The following AFAP1L2 variants were observed in gnomAD, a reference collection of about 807,000 sequenced individuals.
The protein encoded by AFAP1L2 is actin filament associated protein 1 like 2.
Under a neutral mutation model 99.3 loss-of-function variants are expected in AFAP1L2, and 46 were observed. That is an observed-to-expected ratio of 0.46 (90% CI 0.37 to 0.59). AFAP1L2 has a LOEUF of 0.59. AFAP1L2 is among the 20% of genes least tolerant of loss of function. AFAP1L2 has a pLI of 0.00. For missense variants in AFAP1L2, 959 were observed against 1,034.9 expected, an observed-to-expected ratio of 0.93 and a Z score of 1.01; for synonymous variants, 397 against 419.1, an observed-to-expected ratio of 0.95 and a Z score of 0.64.
At chr10:114,385,486 A>G (rs2056383203) in intron 1 of AFAP1L2, among the ~76,000 whole-genome samples, 1 of 152,206 alleles carries the variant, frequency 6.6e-6, no homozygotes, top group African/African-American at 2.4e-5. Context: ...AAGCTAGACC[A>G]GGCAGCAGAA....
the AFAP1L2 span, among the ~76,000 whole-genome samples, chr10:114,287,478 C>G: frequency 6.6e-6 from 1 of 152,130 alleles, no homozygotes; most frequent in South Asian, 2.1e-4. Flanking sequence ...AAATGTAAGC[C>G]TTTATAGGGC....
chr10:114,294,439 A>C (rs2039883579), downstream of AFAP1L2, among the ~76,000 whole-genome samples: 1 of 152,182 alleles, frequency 6.6e-6, no homozygotes, highest in Non-Finnish European at 1.5e-5. Context: ...CTCTTTAATG[A>C]ACCCGATTTT....
At chr10:114,336,697 G>A (rs1429348508) in intron 2 of AFAP1L2, among the ~76,000 whole-genome samples, 1 of 151,886 alleles carries the variant, frequency 6.6e-6, no homozygotes, top group East Asian at 1.9e-4. Flanking sequence ...CTCTGAGGGT[G>A]GGGGTGGGAG....
intron 1 of AFAP1L2, among the ~76,000 whole-genome samples, chr10:114,371,664 G>T (rs2054121369): frequency 1.3e-5 from 2 of 151,880 alleles, no homozygotes; most frequent in African/African-American, 2.4e-5. Flanking sequence ...CTGTTGTGGG[G>T]TGGGGGGCTA....
Position 114,300,484 on chromosome 10 carries a change from A to T in AFAP1L2, c.1749T>A (p.Asp583Glu). The stretch of plus-strand genomic sequence containing the variant: ...TCTCTGGACACTTTATGCAGGGCTC[A>T]TCTGGGGTGGGACCTGGGCCTGAGT... Reference protein sequence around the residue: ...PADSGPGPTPDEPCIKCPENL... With the variant: ...PADSGPGPTPEEPCIKCPENL... The change falls in exon 14 of 19, where the codon GAT becomes GAA. Residue 583 changes from aspartate to glutamate, a missense_variant. Transcript: ENST00000304129. 2 of 1,614,078 alleles carry T rather than the reference A, an allele frequency of 1.2e-6. No homozygotes were observed. The highest frequency in any genetic ancestry group is 1.7e-5 in the Admixed American group (1 of 60,012).
rs2054926589 is a variant in AFAP1L2, at chr10:114,377,232, C to T, written c.16+27208G>A. Among the ~76,000 whole-genome samples, 1 of 152,210 alleles carries T rather than the reference C, an allele frequency of 6.6e-6. No homozygotes were observed. The highest frequency in any genetic ancestry group is 1.5e-5 in the Non-Finnish European group (1 of 68,052). On this transcript the variant is annotated intron_variant, in intron 1 of 18. Coordinates refer to ENST00000304129, the MANE Select transcript of AFAP1L2 (RefSeq NM_001001936.3). The surrounding 1 kb of genome is among the most constrained non-coding windows in gnomAD (Gnocchi z 4.0). ...TAACCTAGCACACAAACAGTTATCA[C>T]ACAAGTGTAGCAGAAGGAATGTTTT...
upstream of AFAP1L2, chr10:114,404,627 C>G (rs1197037980): frequency 1.1e-6 from 1 of 888,014 alleles, no homozygotes; most frequent in African/African-American, 1.8e-5. Flanking sequence ...CGCCAGGGCT[C>G]GCCCCCAGCG....
chr10:114,307,838 G>C lies in AFAP1L2; in HGVS notation c.1039C>G (p.Leu347Val), dbSNP rs746022025. The C allele has an allele frequency of 2.4e-5, 38 of 1,614,028 alleles. No homozygotes were observed. The South Asian group carries it at 3.7e-4, about 16-fold the overall frequency. ...MNLGRKKSTSLEPVERSLETS... is the reference protein window; with the variant it reads ...MNLGRKKSTSVEPVERSLETS... ...TCGAGGGACCTCTCCACAGGCTCCA[G>C]TGAGGTGGATTTCTTCCTGCCCAGA... Residue 347 changes from leucine to valine, a missense_variant, in exon 10 of 19, where the codon CTG becomes GTG. By Grantham distance (32) the Leu-to-Val change is conservative (BLOSUM62 1). Around this residue, in one of 2 missense-constraint regions of AFAP1L2, gnomAD observed 383 missense variants for 472.8 expected, o/e 0.81. Coordinates refer to ENST00000304129, the MANE Select transcript of AFAP1L2 (RefSeq NM_001001936.3).
At chr10:114,281,447 C>A in the AFAP1L2 span, among the ~76,000 whole-genome samples, 47 of 152,286 alleles carry the variant, frequency 3.1e-4, no homozygotes, top group Non-Finnish European at 3.1e-4. Context: ...ACCTCAGGGG[C>A]CCTAAGTGAG....
chr10:114,387,513 C>T (rs1024547016), intron 1 of AFAP1L2, among the ~76,000 whole-genome samples: 1 of 152,206 alleles, frequency 6.6e-6, no homozygotes, highest in African/African-American at 2.4e-5. Flanking sequence ...TGCCTTGTTT[C>T]ACCACCACTG....
intron 1 of AFAP1L2, among the ~76,000 whole-genome samples, chr10:114,384,776 C>T (rs2137613665): frequency 6.6e-6 from 1 of 152,322 alleles, no homozygotes; most frequent in East Asian, 1.9e-4. Context: ...AGGGACCACG[C>T]CTCACCTCCT....
At chr10:114,286,530 A>G in the AFAP1L2 span, 1 of 1,526,136 alleles carries the variant, frequency 6.6e-7, no homozygotes, top group Non-Finnish European at 8.8e-7. Context: ...CCAGTGCCTG[A>G]CCCAGGACCG....
Position 114,300,316 on chromosome 10 carries a change from G to A in AFAP1L2, c.1835C>T (p.Thr612Ile). Residue 612 changes from threonine (T) to isoleucine (I), a missense_variant, in exon 15 of 19, where the codon ACC becomes ATC. This residue lies in a region of AFAP1L2 where 576 missense variants were observed against 562.1 expected (regional missense o/e 1.02). Transcript: ENST00000304129. ...CTGCTGTTCCGTCTGGATTTTGACG[G>A]TGGTGATTCTCAGGGAAGGATCCTC... ...EPEDPSLRIT[T>I]VKIQTEQQRI... The A allele has an allele frequency of 1.2e-6, 2 of 1,614,206 alleles. No individual in the cohort carries two copies. The highest frequency in any genetic ancestry group is 1.7e-6 in the Non-Finnish European group (2 of 1,180,048).
At chr10:114,350,910 G>A (rs2050373588) in intron 1 of AFAP1L2, among the ~76,000 whole-genome samples, 1 of 152,178 alleles carries the variant, frequency 6.6e-6, no homozygotes, top group Admixed American at 6.5e-5. Context: ...AGAGGCTTTG[G>A]GTCCCGGGAG....
At chr10:114,345,923 G>A (rs943086967) in intron 1 of AFAP1L2, among the ~76,000 whole-genome samples, 2 of 142,404 alleles carry the variant, frequency 1.4e-5, no homozygotes, top group Non-Finnish European at 3.0e-5. Context: ...CGTGGTGCCT[G>A]CCCGATGTAG....
intron 1 of AFAP1L2, among the ~76,000 whole-genome samples, chr10:114,373,122 G>C (rs546822738): frequency 6.6e-6 from 1 of 152,264 alleles, no homozygotes; most frequent in East Asian, 1.9e-4. Flanking sequence ...ATGCACCTGT[G>C]GTCCCAGCTA....
chr10:114,347,178 G>A (rs563959474), intron 1 of AFAP1L2, among the ~76,000 whole-genome samples: 4 of 152,292 alleles, frequency 2.6e-5, no homozygotes, highest in Middle Eastern at 3.4e-3. Context: ...GAGCCCAACT[G>A]CTGGGGAGCA....
At chr10:114,307,110 G>A (rs1489520223) in intron 10 of AFAP1L2, among the ~76,000 whole-genome samples, 1 of 152,190 alleles carries the variant, frequency 6.6e-6, no homozygotes, top group African/African-American at 2.4e-5. Flanking sequence ...AGAAAGGCTT[G>A]TCGCTCCTCC....
Position 114,295,997 on chromosome 10 carries a change from C to A in AFAP1L2, c.*45G>T, listed in dbSNP as rs781269353. On this transcript the variant is annotated 3_prime_UTR_variant, in exon 19 of 19. Coordinates refer to ENST00000304129, the MANE Select transcript of AFAP1L2 (RefSeq NM_001001936.3). ...TTGCTTTAACAAAGCAGGATTGTCA[C>A]CAAGGTCCACATTGACATGAGAGTC... is the stretch of plus-strand genomic sequence containing the variant. 1 of 1,614,004 alleles carries A rather than the reference C, an allele frequency of 6.2e-7. No individual in the cohort carries two copies. The highest frequency in any genetic ancestry group is 2.2e-5 in the East Asian group (1 of 44,868).
Sources: gnomAD v4.1 joint callset for allele counts (sites outside exome capture counted in the v4.1 genomes callset) on GRCh38, gnomAD v4.1.1 for gene constraint, gnomAD v4.1.1 regional missense constraint, Gnocchi (gnomAD v3.1) non-coding constraint, MANE v1.5 for transcripts, NCBI Gene and HGNC (gene_info 2026-07-23, HGNC 2026-07-21) for gene names.